The following TG variants were observed in gnomAD, a reference collection of about 807,000 sequenced individuals.
TG encodes the protein thyroglobulin.
Under a neutral mutation model 324.7 loss-of-function variants are expected in TG, and 270 were observed. The ratio of observed to expected loss-of-function variants is 0.83; its 90% CI spans 0.75 to 0.92. The LOEUF (loss-of-function observed/expected upper bound fraction) is 0.92, where lower values mean the gene tolerates loss of function less well. Ranked by LOEUF, TG falls within the 40% of genes least tolerant of loss-of-function variation. TG has a pLI of 0.00. For synonymous variants in TG, 1,401 were observed against 1,327.0 expected (o/e 1.06, Z -1.21); for missense variants, 3,591 against 3,456.4 (o/e 1.04, Z -0.98).
intron 10 of TG, among the ~76,000 whole-genome samples, chr8:132,891,073 G>A (rs1435956555): frequency 2.0e-5 from 3 of 152,184 alleles, no homozygotes; most frequent in South Asian, 4.1e-4. Flanking sequence ...AGGTATGTAC[G>A]TGGAAAATGC....
chr8:132,907,268 G>T (rs1458008201), intron 17 of TG, among the ~76,000 whole-genome samples: 1 of 152,164 alleles, frequency 6.6e-6, no homozygotes, highest in Non-Finnish European at 1.5e-5. Flanking sequence ...GCTCAGAGCT[G>T]CTCTCCCAGC....
intron 41 of TG, among the ~76,000 whole-genome samples, chr8:133,051,754 G>A (rs544825603): frequency 6.2e-4 from 95 of 152,324 alleles, no homozygotes; most frequent in African/African-American, 2.3e-3. Flanking sequence ...TGCATTAGAT[G>A]CAGGGTAATA....
Position 132,898,229 on chromosome 8 carries a change from C to G in TG, c.3200C>G (p.Ser1067Cys). Reference sequence around the variant, plus strand: ...ATCCCTGGCTCACTGACTGCCCGCTCTCTGCAGATTCCACAGTGTAAGTGA... The same window carrying G: ...ATCCCTGGCTCACTGACTGCCCGCTGTCTGCAGATTCCACAGTGTAAGTGA... Reference protein sequence around the residue: ...GFIPGSLTARSLQIPQCPTTC... With the variant: ...GFIPGSLTARCLQIPQCPTTC... The change falls in exon 13 of 48, where the codon TCT becomes TGT. Residue 1067 changes from serine (S) to cysteine (C), a missense_variant. Physicochemically the swap from Ser to Cys is moderately radical, Grantham distance 112. Transcript: ENST00000220616. The G allele has an allele frequency of 6.2e-7, 1 of 1,601,756 alleles. No individual in the cohort carries two copies. The highest frequency in any genetic ancestry group is 8.5e-7 in the Non-Finnish European group (1 of 1,174,180).
intron 26 of TG, 70 bp from the exon 27 acceptor site, chr8:132,948,704 CAG>C: frequency 6.6e-7 from 1 of 1,522,286 alleles, no homozygotes. Flanking sequence ...CAAATGCTCT[CAG>C]GGGACAGAGA....
At chr8:132,939,603 T>C (rs1041032024) in intron 25 of TG, among the ~76,000 whole-genome samples, 1 of 151,992 alleles carries the variant, frequency 6.6e-6, no homozygotes, top group Non-Finnish European at 1.5e-5. Context: ...AAACATCTGC[T>C]GAGCATAAGC....
Position 133,058,553 on chromosome 8 carries a change from G to A in TG, c.7239+28530G>A, listed in dbSNP as rs546073698. On this transcript the variant is annotated intron_variant, in intron 41 of 47. Transcript: ENST00000220616. ...TGACGACCCAAGATGGGTTCGGTGG[G>A]TGGGTGCCTCCCCAGCCTGCCTGGG... 6.8e-4 allele frequency among the ~76,000 whole-genome samples: 104 copies of A among 152,350 alleles called. 1 individual carries two copies. The highest frequency in any genetic ancestry group is 3.7e-3 in the South Asian group (18 of 4,832).
At chr8:132,876,458 G>C (rs1354210544) in intron 5 of TG, among the ~76,000 whole-genome samples, 1 of 152,186 alleles carries the variant, frequency 6.6e-6, no homozygotes, top group African/African-American at 2.4e-5. Flanking sequence ...AAATGGAGAA[G>C]TGGCAGAAGG....
At chr8:132,908,558 G>T (rs1228803215) in intron 18 of TG, among the ~76,000 whole-genome samples, 1 of 151,970 alleles carries the variant, frequency 6.6e-6, no homozygotes, top group East Asian at 1.9e-4. Context: ...GCCTTAAGCT[G>T]TTAGAAACAA....
intron 35 of TG, among the ~76,000 whole-genome samples, chr8:132,984,448 G>C (rs900801137): frequency 2.6e-5 from 4 of 152,204 alleles, no homozygotes; most frequent in Non-Finnish European, 5.9e-5. Context: ...ATAGACGTTA[G>C]CTTCCTGAGA....
At chr8:133,048,536 G>C (rs1040006755) in intron 41 of TG, 1 of 154,846 alleles carries the variant, frequency 6.5e-6, no homozygotes, top group African/African-American at 2.4e-5. Flanking sequence ...CTTCCTATTT[G>C]ATATGTTAAG....
chr8:132,966,811 T>C, intron 30 of TG, 114 bp downstream of exon 30: 2 of 1,199,364 alleles, frequency 1.7e-6, no homozygotes, highest in South Asian at 1.2e-5. Context: ...TCATAACTCA[T>C]GGATCACTGT....
chr8:133,045,416 T>C (rs1248903041), intron 41 of TG, among the ~76,000 whole-genome samples: 1 of 132,826 alleles, frequency 7.5e-6, no homozygotes, highest in Non-Finnish European at 1.6e-5. Context: ...TTTTTTTGAG[T>C]CTGGGTCTTG....
rs779095195 is a variant in TG, at chr8:132,871,390, G to C, written c.317G>C (p.Ser106Thr). ...CQLQKQQILL[S>T]GYINSTDTSY... is the part of the protein sequence containing the mutation. Reference sequence around the variant, plus strand: ...CTACAGAAACAGCAGATCTTACTGAGTGGCTACATTAACAGCACAGACACC... The same window carrying C: ...CTACAGAAACAGCAGATCTTACTGACTGGCTACATTAACAGCACAGACACC... The change falls in exon 4 of 48, where the codon AGT becomes ACT. Residue 106 changes from serine to threonine, a missense_variant. Coordinates refer to ENST00000220616, the MANE Select transcript of TG (RefSeq NM_003235.5). 1 of 1,614,226 alleles carries C rather than the reference G, an allele frequency of 6.2e-7. No homozygotes were observed. Among genetic ancestry groups the C allele is most frequent in the East Asian group, 2.2e-5 (1 of 44,886 alleles).
intron 45 of TG, among the ~76,000 whole-genome samples, chr8:133,123,191 G>A (rs1172262148): frequency 6.6e-6 from 1 of 152,078 alleles, no homozygotes; most frequent in African/African-American, 2.4e-5. Context: ...ATTACTAACA[G>A]TACCTGAAAG....
intron 41 of TG, among the ~76,000 whole-genome samples, chr8:133,057,102 T>C (rs180871230): frequency 9.7e-4 from 148 of 152,072 alleles, no homozygotes; most frequent in African/African-American, 3.5e-3. Context: ...CCCCCTTCTT[T>C]CCACTGGGCA....
At chr8:133,071,890 A>G (rs962508785) in intron 41 of TG, among the ~76,000 whole-genome samples, 2 of 152,174 alleles carry the variant, frequency 1.3e-5, no homozygotes, top group South Asian at 2.1e-4. Flanking sequence ...ATATTCCTCA[A>G]TGAAAAGCCA....
At chr8:132,989,829 C>A (rs1247830169) in intron 35 of TG, among the ~76,000 whole-genome samples, 1 of 152,162 alleles carries the variant, frequency 6.6e-6, no homozygotes, top group African/African-American at 2.4e-5. Flanking sequence ...AGCGAGGAAG[C>A]AATGCGACAT....
chr8:132,971,774 T>C lies in TG; in HGVS notation c.5976-20T>C. On this transcript the variant is annotated intron_variant, in intron 32 of 47. Coordinates refer to ENST00000220616, the MANE Select transcript of TG (RefSeq NM_003235.5). The stretch of plus-strand genomic sequence containing the variant: ...CACCAGTGAAAACCTTCAGGCCTGC[T>C]CTTTCTCTTCCTATGCCAGGTTCTT... The C allele has an allele frequency of 3.8e-6, 6 of 1,594,646 alleles. No individual in the cohort carries two copies. The highest frequency in any genetic ancestry group is 5.2e-6 in the Non-Finnish European group (6 of 1,162,296).
chr8:132,928,792 A>G lies in TG; in HGVS notation c.4700-284A>G, dbSNP rs1822258185. Among the ~76,000 whole-genome samples, 4 of 152,266 alleles carry G rather than the reference A, an allele frequency of 2.6e-5. No homozygotes were observed. In the South Asian group the frequency reaches 6.2e-4, roughly 24 times the overall value. On this transcript the variant is annotated intron_variant, in intron 22 of 47. Transcript: ENST00000220616. ...CAGAGAAATATAAGTTTATATTATC[A>G]ATGTTAATGAGAAGAAAATAGTTGT...
Sources: gnomAD v4.1 joint callset for allele counts (sites outside exome capture counted in the v4.1 genomes callset) on GRCh38, gnomAD v4.1.1 for gene constraint, MANE v1.5 for transcripts, NCBI Gene and HGNC (gene_info 2026-07-23, HGNC 2026-07-21) for gene names.